The following TSPAN9 variants were observed in gnomAD, a reference collection of about 807,000 sequenced individuals.
TSPAN9 encodes the protein tetraspanin 9.
Under a neutral mutation model 31.0 loss-of-function variants are expected in TSPAN9, and 16 were observed. The observed-to-expected ratio is 0.52, with a 90% CI of 0.35 to 0.78. TSPAN9 has a LOEUF of 0.78. TSPAN9 is among the 30% of genes least tolerant of loss of function. TSPAN9 has a pLI of 0.01. For missense variants in TSPAN9, 272 were observed against 312.5 expected (o/e 0.87, Z 0.98); for synonymous variants, 145 against 121.6 (o/e 1.19, Z -1.27).
intron 2 of TSPAN9, among the ~76,000 whole-genome samples, chr12:3,159,175 G>A (rs2098343810): frequency 6.6e-6 from 1 of 151,126 alleles, no homozygotes; most frequent in Non-Finnish European, 1.5e-5. Flanking sequence ...CTGAGCCTCG[G>A]AGGCTACGGC....
Position 3,082,803 on chromosome 12 carries a change from G to A in TSPAN9, c.-84-850G>A, listed in dbSNP as rs938098348. The stretch of plus-strand genomic sequence containing the variant: ...AAATGCAATGCCATTTGCTGTTTCC[G>A]GTAGGCATTGTTTCGTCAACTAGAT... On this transcript the variant is annotated intron_variant, in intron 1 of 8. Transcript: ENST00000011898. 3.9e-5 allele frequency among the ~76,000 whole-genome samples: 6 copies of A among 152,178 alleles called. No homozygotes were observed. The East Asian group carries it at 1.2e-3, about 29-fold the overall frequency.
intron 2 of TSPAN9, among the ~76,000 whole-genome samples, chr12:3,121,742 T>C (rs2098325254): frequency 6.6e-6 from 1 of 152,028 alleles, no homozygotes; most frequent in African/African-American, 2.4e-5. Flanking sequence ...GTGGCAACAA[T>C]TGGCTGGATC....
chr12:3,231,061 T>G (rs2098390490), intron 3 of TSPAN9, among the ~76,000 whole-genome samples: 1 of 152,204 alleles, frequency 6.6e-6, no homozygotes, highest in Admixed American at 6.5e-5. Context: ...GAACGGTGCT[T>G]AGTCGAGAGA....
chr12:3,164,789 T>G (rs1165972976), intron 2 of TSPAN9, among the ~76,000 whole-genome samples: 1 of 152,184 alleles, frequency 6.6e-6, no homozygotes, highest in African/African-American at 2.4e-5. Context: ...CTGCCACCAA[T>G]GGGCCACAGT....
chr12:3,203,463 T>C (rs2098373169), intron 3 of TSPAN9, among the ~76,000 whole-genome samples: 1 of 152,220 alleles, frequency 6.6e-6, no homozygotes, highest in Non-Finnish European at 1.5e-5. Flanking sequence ...ATTCTTCCCA[T>C]CTTCCCTTAA....
At chr12:3,134,859 C>T (rs143712314) in intron 2 of TSPAN9, among the ~76,000 whole-genome samples, 1 of 152,056 alleles carries the variant, frequency 6.6e-6, no homozygotes, top group African/African-American at 2.4e-5. Flanking sequence ...TGGCGTGCAG[C>T]GTGGAAGAGG....
chr12:3,223,238 GT>G (rs1168698413), intron 3 of TSPAN9, among the ~76,000 whole-genome samples: 1 of 152,218 alleles, frequency 6.6e-6, no homozygotes, highest in African/African-American at 2.4e-5. Flanking sequence ...TGCTGTAGTC[GT>G]CATCCTTGGA....
At chr12:3,118,386 C>T (rs977096302) in intron 2 of TSPAN9, among the ~76,000 whole-genome samples, 3 of 150,500 alleles carry the variant, frequency 2.0e-5, no homozygotes, top group Non-Finnish European at 3.0e-5. Flanking sequence ...CTCCGCCTCC[C>T]GAGTAGCTGG....
At chr12:3,209,821 C>T (rs1362179988) in intron 3 of TSPAN9, among the ~76,000 whole-genome samples, 8 of 151,902 alleles carry the variant, frequency 5.3e-5, no homozygotes, top group South Asian at 4.2e-4. Flanking sequence ...TAGCCGGGCG[C>T]GGTGGTGGGC....
chr12:3,165,565 G>A (rs1039690807), intron 2 of TSPAN9, among the ~76,000 whole-genome samples: 2 of 152,288 alleles, frequency 1.3e-5, no homozygotes, highest in South Asian at 4.1e-4. Context: ...ACTGCAAGGC[G>A]AGGGTCACGG....
intron 2 of TSPAN9, among the ~76,000 whole-genome samples, chr12:3,093,570 G>A (rs1201720216): frequency 1.3e-5 from 2 of 152,162 alleles, no homozygotes; most frequent in African/African-American, 2.4e-5. Flanking sequence ...AGGGAACAGA[G>A]GGCAGATCGA....
intron 3 of TSPAN9, among the ~76,000 whole-genome samples, 177 bp from the exon 4 acceptor site, chr12:3,278,240 ACTGT>A (rs1407556881): frequency 6.6e-6 from 1 of 152,176 alleles, no homozygotes; most frequent in Non-Finnish European, 1.5e-5. Flanking sequence ...AGGCTAGGGG[ACTGT>A]CTGGGTCACA....
At chr12:3,133,388 A>T (rs982266896) in intron 2 of TSPAN9, among the ~76,000 whole-genome samples, 11 of 151,256 alleles carry the variant, frequency 7.3e-5, no homozygotes, top group African/African-American at 2.4e-4. Flanking sequence ...TTATTATATA[A>T]TTTTTTTTTG....
intron 2 of TSPAN9, among the ~76,000 whole-genome samples, chr12:3,148,521 G>C (rs1318078494): frequency 6.6e-6 from 1 of 152,182 alleles, no homozygotes; most frequent in Non-Finnish European, 1.5e-5. Flanking sequence ...TGGCTGGCAG[G>C]GTATGGAACG....
At chr12:3,276,161 C>T (rs1862781990) in intron 3 of TSPAN9, among the ~76,000 whole-genome samples, 1 of 152,092 alleles carries the variant, frequency 6.6e-6, no homozygotes. Flanking sequence ...AAGGGCATCT[C>T]CTTCTTATTC....
intron 3 of TSPAN9, among the ~76,000 whole-genome samples, chr12:3,227,227 T>C (rs557334516): frequency 5.9e-5 from 9 of 152,330 alleles, no homozygotes; most frequent in Non-Finnish European, 1.3e-4. Context: ...AGCAGTTTCA[T>C]TGAACACAGG....
intron 3 of TSPAN9, among the ~76,000 whole-genome samples, chr12:3,242,746 G>A (rs979684051): frequency 6.6e-6 from 1 of 152,228 alleles, no homozygotes; most frequent in Admixed American, 6.5e-5. Context: ...TGAACATATT[G>A]TGGAGCCTTG....
At chr12:3,182,940 G>A (rs1415337468) in intron 2 of TSPAN9, among the ~76,000 whole-genome samples, 1 of 152,252 alleles carries the variant, frequency 6.6e-6, no homozygotes, top group African/African-American at 2.4e-5. Context: ...GGGCCGCATG[G>A]TCGGAGACAG....
Position 3,280,378 on chromosome 12 carries a change from G to A in TSPAN9, c.331-4G>A, listed in dbSNP as rs60904711. Reference sequence around the variant, plus strand: ...CCGTCTCACTGTGTCCCTCCGCCTGGCAGGTGAACGAGAACGCCAAGAAGG... The same window carrying A: ...CCGTCTCACTGTGTCCCTCCGCCTGACAGGTGAACGAGAACGCCAAGAAGG... On this transcript the variant is annotated splice_polypyrimidine_tract_variant and splice_region_variant and intron_variant, in intron 5 of 8. Coordinates refer to ENST00000011898, the MANE Select transcript of TSPAN9 (RefSeq NM_006675.5). The surrounding 1 kb of genome is among the most constrained non-coding windows in gnomAD (Gnocchi z 4.5). 5 of 1,608,228 alleles carry A rather than the reference G, an allele frequency of 3.1e-6. No homozygotes were observed. Among genetic ancestry groups the A allele is most frequent in the South Asian group, 1.1e-5 (1 of 91,022 alleles).
Sources: allele counts gnomAD v4.1 joint callset (sites outside exome capture counted in the v4.1 genomes callset), GRCh38; gene constraint gnomAD v4.1.1; non-coding constraint Gnocchi (gnomAD v3.1); transcripts MANE v1.5; gene names NCBI Gene and HGNC (gene_info 2026-07-23, HGNC 2026-07-21).